The following CCDC186 variants were observed in gnomAD, a reference collection of about 807,000 sequenced individuals.
The protein encoded by CCDC186 is coiled-coil domain containing 186.
Under a neutral mutation model 113.7 loss-of-function variants are expected in CCDC186, and 49 were observed. The ratio of observed to expected loss-of-function variants is 0.43; its 90% CI spans 0.34 to 0.55. The LOEUF (loss-of-function observed/expected upper bound fraction) is 0.55. CCDC186 is among the 20% of genes least tolerant of loss of function. The pLI is 0.02. For missense variants in CCDC186, 890 were observed against 1,011.1 expected, an observed-to-expected ratio of 0.88 and a Z score of 1.62; for synonymous variants, 355 against 345.8, an observed-to-expected ratio of 1.03 and a Z score of -0.30.
intron 4 of CCDC186, among the ~76,000 whole-genome samples, chr10:114,149,798 A>C (rs1211607054): frequency 1.6e-3 from 164 of 102,268 alleles, no homozygotes; most frequent in African/African-American, 6.1e-3. Context: ...GGAAGGAAGG[A>C]AGGAAGGAAG....
intron 4 of CCDC186, among the ~76,000 whole-genome samples, chr10:114,147,150 A>C (rs184867615): frequency 1.3e-4 from 20 of 152,336 alleles, no homozygotes; most frequent in Admixed American, 1.0e-3. Context: ...AGAAAAAGTC[A>C]ATAGCTCAAT....
chr10:114,144,529 T>G lies in CCDC186; in HGVS notation c.1189A>C (p.Asn397His). ...SHVIKVKWAQ[N>H]KLKAEMDSHK... The stretch of plus-strand genomic sequence containing the variant: ...GAATCCATTTCAGCTTTTAATTTGT[T>G]TTGTGCCCACTTTACTTTGATGACG... Residue 397 changes from asparagine to histidine, a missense_variant, in exon 6 of 16, where the codon AAC becomes CAC. By Grantham distance (68) the Asn-to-His change is moderately conservative (BLOSUM62 1). Coordinates refer to ENST00000369287, the MANE Select transcript of CCDC186 (RefSeq NM_018017.4). 2 of 1,613,478 alleles carry G rather than the reference T, an allele frequency of 1.2e-6. No homozygotes were observed. Among genetic ancestry groups the G allele is most frequent in the Non-Finnish European group, 1.7e-6 (2 of 1,179,574 alleles).
intron 1 of CCDC186, among the ~76,000 whole-genome samples, chr10:114,170,190 T>C (rs2032452719): frequency 6.6e-6 from 1 of 152,190 alleles, no homozygotes; most frequent in African/African-American, 2.4e-5. Context: ...GGTGAATTTA[T>C]GCAGATCAAA....
rs1172524912 is a variant in CCDC186 at position 114,138,063 on chromosome 10, AAAAAAAAAAAT to A, written c.1222-784_1222-774del. Among the ~76,000 whole-genome samples, 455 of 92,346 alleles carry A rather than the reference AAAAAAAAAAAT, an allele frequency of 4.9e-3. 22 individuals carry two copies. The highest frequency in any genetic ancestry group is 9.0e-3 in the African/African-American group (148 of 16,530). The allele number at this position is 92,346 out of a possible 152,430, so 60.6% of individuals were successfully genotyped here. On this transcript the variant is annotated intron_variant, in intron 6 of 15. Transcript: ENST00000369287. ...AAAAAAAAAAAAAAAAAAAAAAAAA[AAAAAAAAAAAT>A]AAAAAAAATACACAAATTAGCCAGG...
At chr10:114,149,579 G>A (rs1283850627) in intron 4 of CCDC186, among the ~76,000 whole-genome samples, 4 of 19,036 alleles carry the variant, frequency 2.1e-4, no homozygotes, top group African/African-American at 8.6e-4. Flanking sequence ...GAAGGGAAGG[G>A]AAGGGAAGGG....
intron 1 of CCDC186, chr10:114,168,199 A>C (rs1045674644): frequency 6.6e-6 from 1 of 152,206 alleles, no homozygotes; most frequent in Admixed American, 6.5e-5. Context: ...TCACACTTCG[A>C]AATCATTTCA....
In CCDC186 at chr10:114,168,646, C is replaced by A. The variant is rs538132437; in HGVS notation, c.-61-5317G>T. Among the ~76,000 whole-genome samples the A allele has an allele frequency of 2.6e-4, 40 of 152,232 alleles. No homozygotes were observed. The South Asian group carries it at 7.9e-3, about 30-fold the overall frequency. ...CCCTTATGAGTCATCCCCGACCCAA[C>A]CAATCAGCATTCCCCATTCCCTAGC... On this transcript the variant is annotated intron_variant, in intron 1 of 15. Coordinates refer to ENST00000369287, the MANE Select transcript of CCDC186 (RefSeq NM_018017.4).
chr10:114,172,033 C>T (rs1248173427), intron 1 of CCDC186, among the ~76,000 whole-genome samples: 2 of 152,112 alleles, frequency 1.3e-5, no homozygotes, highest in Non-Finnish European at 2.9e-5. Flanking sequence ...CTAAGTATAA[C>T]ATTTGCAATA....
At chr10:114,145,412 T>C in intron 5 of CCDC186, 137 bp downstream of exon 5, 1 of 768,578 alleles carries the variant, frequency 1.3e-6, no homozygotes, top group Non-Finnish European at 1.9e-6. Context: ...TTCATGGTTT[T>C]AGAAGGTAAA....
At chr10:114,135,806 T>C in intron 9 of CCDC186, 85 bp downstream of exon 9, 1 of 1,084,874 alleles carries the variant, frequency 9.2e-7, no homozygotes. Flanking sequence ...TTAATGTCCT[T>C]TCCCCACCAC....
chr10:114,161,605 T>C lies in CCDC186; in HGVS notation c.632+1032A>G, dbSNP rs1432148914. ...AATGCAAGAATAGCAGCAGCACTGATGGTTCAAGTACAAAAGCATACAGTT... is the reference window on the plus strand; with the variant it reads ...AATGCAAGAATAGCAGCAGCACTGACGGTTCAAGTACAAAAGCATACAGTT... On this transcript the variant is annotated intron_variant, in intron 2 of 15. Transcript: ENST00000369287. 8 of 152,224 alleles carry C rather than the reference T, an allele frequency of 5.3e-5. No homozygotes were observed. The East Asian group carries it at 1.2e-3, about 22-fold the overall frequency. The allele number at this position is 152,224 out of a possible 1,614,324, so 9.4% of individuals were successfully genotyped here.
At chr10:114,146,959 T>C (rs2031657161) in intron 4 of CCDC186, among the ~76,000 whole-genome samples, 1 of 152,200 alleles carries the variant, frequency 6.6e-6, no homozygotes, top group African/African-American at 2.4e-5. Flanking sequence ...TTTAAAAATC[T>C]CCCAATTGGG....
rs1564908401 is a variant in CCDC186, at chr10:114,138,037, C to CAAAAAAAAAAAAAAA, written c.1222-762_1222-748dup. Among the ~76,000 whole-genome samples, 2 of 22,830 alleles carry CAAAAAAAAAAAAAAA rather than the reference C, an allele frequency of 8.8e-5. 1 individual carries two copies. The highest frequency in any genetic ancestry group is 1.6e-4 in the Non-Finnish European group (2 of 12,816). The allele number at this position is 22,830 out of a possible 152,430, so 15.0% of individuals were successfully genotyped here. A position where few individuals can be genotyped will look rare whatever the true frequency, so the allele number is the denominator to read the frequency against. ...GGGCAACAAGAGTGAAACTCGGTCT[C>CAAAAAAAAAAAAAAA]AAAAAAAAAAAAAAAAAAAAAAAAA... On this transcript the variant is annotated intron_variant, in intron 6 of 15. Transcript: ENST00000369287.
At chr10:114,140,013 A>C (rs1482474939) in intron 6 of CCDC186, among the ~76,000 whole-genome samples, 2 of 152,238 alleles carry the variant, frequency 1.3e-5, no homozygotes, top group Non-Finnish European at 2.9e-5. Context: ...TCACTTATTC[A>C]TTCATTCAGT....
In CCDC186 at chr10:114,131,201, G is replaced by T; in HGVS notation, c.2047C>A (p.Gln683Lys). The T allele has an allele frequency of 6.3e-7, 1 of 1,595,800 alleles. No homozygotes were observed. Among genetic ancestry groups the T allele is most frequent in the Non-Finnish European group, 8.5e-7 (1 of 1,172,390 alleles). Residue 683 changes from glutamine (Q) to lysine (K), a missense_variant, in exon 12 of 16, where the codon CAG (glutamine) becomes AAG (lysine). Transcript: ENST00000369287. Reference protein sequence around the residue: ...VEELKDELVTQRRKHASSIKD... With the variant: ...VEELKDELVTKRRKHASSIKD... ...ATACTAGAGGCATGTTTACGTCTCT[G>T]AGTTACTAACTCATCTTTTAATTCT...
At position 114,174,173 on chromosome 10, in the gene CCDC186, A is replaced by C. The variant is rs2032630192; in HGVS notation, c.-220T>G. On this transcript the variant is annotated 5_prime_UTR_variant, in exon 1 of 16. Coordinates refer to ENST00000369287, the MANE Select transcript of CCDC186 (RefSeq NM_018017.4). ...CCTCACTCAGCGGCCGTTTCCCCAA[A>C]CCCCTGCGGAGCTGACACATCAACA... 4.3e-6 allele frequency: 2 copies of C among 460,670 alleles called. No homozygotes were observed. The highest frequency in any genetic ancestry group is 1.6e-5 in the South Asian group (1 of 63,020). The allele number at this position is 460,670 out of a possible 1,614,324, so 28.5% of individuals were successfully genotyped here.
intron 10 of CCDC186, among the ~76,000 whole-genome samples, chr10:114,134,099 G>A (rs1194164554): frequency 6.6e-6 from 1 of 152,288 alleles, no homozygotes; most frequent in African/African-American, 2.4e-5. Flanking sequence ...TTTCTTCCAT[G>A]ATAACAGCAG....
intron 7 of CCDC186, among the ~76,000 whole-genome samples, chr10:114,136,928 C>T (rs2031280353): frequency 6.6e-6 from 1 of 151,902 alleles, no homozygotes; most frequent in African/African-American, 2.4e-5. Flanking sequence ...ACCAGCCCAG[C>T]CAACATAGTG....
intron 1 of CCDC186, chr10:114,165,849 C>CAAA (rs56143525): frequency 7.9e-5 from 55 of 694,730 alleles, no homozygotes; most frequent in Admixed American, 8.7e-5. Flanking sequence ...CACTTTGTCT[C>CAAA]AAAAAAAAAA....
Sources: allele counts gnomAD v4.1 joint callset (sites outside exome capture counted in the v4.1 genomes callset), GRCh38; gene constraint gnomAD v4.1.1; transcripts MANE v1.5; gene names NCBI Gene and HGNC (gene_info 2026-07-23, HGNC 2026-07-21).